PLPP4: variants seen among roughly 807,000 people sequenced by gnomAD.
PLPP4 encodes diacylglycerol pyrophosphate like 2.
A neutral mutation model predicts 32.2 loss-of-function variants in PLPP4; 20 were observed. That is an observed-to-expected ratio of 0.62 (90% CI 0.44 to 0.90). The LOEUF (loss-of-function observed/expected upper bound fraction) is 0.90, where lower values mean the gene tolerates loss of function less well. Among genes scored for constraint, PLPP4 ranks in the 40% least tolerant of loss-of-function variants. The pLI is 0.00. For synonymous variants in PLPP4, 127 were observed against 133.0 expected (o/e 0.95, Z 0.31); for missense variants, 257 against 353.1 (o/e 0.73, Z 2.18).
intron 1 of PLPP4, among the ~76,000 whole-genome samples, chr10:120,475,115 T>C (rs1018279421): frequency 1.3e-5 from 2 of 152,178 alleles, no homozygotes; most frequent in African/African-American, 2.4e-5. Flanking sequence ...ACAAAGGGGA[T>C]TGACAATTCC....
At chr10:120,461,361 T>C (rs1421100274) in intron 1 of PLPP4, among the ~76,000 whole-genome samples, 1 of 152,198 alleles carries the variant, frequency 6.6e-6, no homozygotes, top group African/African-American at 2.4e-5. Flanking sequence ...GAAAGGACCC[T>C]AGAAAGATGA....
chr10:120,498,010 A>C (rs992163211), intron 1 of PLPP4, among the ~76,000 whole-genome samples: 1 of 152,146 alleles, frequency 6.6e-6, no homozygotes, highest in African/African-American at 2.4e-5. Context: ...ACTGCACTCC[A>C]GCCTGGGTGA....
intron 5 of PLPP4, among the ~76,000 whole-genome samples, chr10:120,565,690 A>C (rs1848662961): frequency 6.6e-6 from 1 of 152,068 alleles, no homozygotes; most frequent in Non-Finnish European, 1.5e-5. Context: ...ATTGGGCTTT[A>C]TAAATCTCAA....
chr10:120,581,759 G>A (rs147332906), intron 6 of PLPP4, among the ~76,000 whole-genome samples: 55 of 151,890 alleles, frequency 3.6e-4, no homozygotes, highest in African/African-American at 1.2e-3. Context: ...TCTCCGTCTC[G>A]TGATGCCCAC....
At chr10:120,479,140 G>A (rs1425176332) in intron 1 of PLPP4, among the ~76,000 whole-genome samples, 1 of 152,058 alleles carries the variant, frequency 6.6e-6, no homozygotes, top group Non-Finnish European at 1.5e-5. Flanking sequence ...GCAGGAGAAT[G>A]GCGTGAACCC....
intron 2 of PLPP4, among the ~76,000 whole-genome samples, chr10:120,505,742 A>T (rs1336857076): frequency 6.6e-6 from 1 of 152,230 alleles, no homozygotes; most frequent in Non-Finnish European, 1.5e-5. Context: ...GTAGGGAATT[A>T]CTAACACATG....
At chr10:120,482,301 T>C (rs182682672) in intron 1 of PLPP4, among the ~76,000 whole-genome samples, 22 of 152,300 alleles carry the variant, frequency 1.4e-4, no homozygotes, top group Admixed American at 1.1e-3. Flanking sequence ...ACCAAAATGC[T>C]GATAATGATA....
At chr10:120,508,188 G>A (rs1293590426) in intron 2 of PLPP4, among the ~76,000 whole-genome samples, 1 of 152,126 alleles carries the variant, frequency 6.6e-6, no homozygotes, top group Admixed American at 6.5e-5. Flanking sequence ...TTTTGGGGAG[G>A]AAGAAGGAAG....
At chr10:120,559,111 C>T (rs1241093030) in intron 5 of PLPP4, among the ~76,000 whole-genome samples, 1 of 152,166 alleles carries the variant, frequency 6.6e-6, no homozygotes, top group Admixed American at 6.5e-5. Context: ...TGAGCTAGAT[C>T]ATTCATTAGT....
intron 1 of PLPP4, among the ~76,000 whole-genome samples, chr10:120,489,854 TG>T (rs1322875567): frequency 1.3e-5 from 2 of 152,208 alleles, no homozygotes; most frequent in Admixed American, 1.3e-4. Flanking sequence ...GGCAGAGGCT[TG>T]GGTCTTCATT....
chr10:120,493,396 A>C (rs1844806400), intron 1 of PLPP4, among the ~76,000 whole-genome samples: 1 of 152,092 alleles, frequency 6.6e-6, no homozygotes, highest in African/African-American at 2.4e-5. Flanking sequence ...CCTTGTGTTG[A>C]GGGCACAGGA....
intron 4 of PLPP4, among the ~76,000 whole-genome samples, chr10:120,519,147 G>A (rs1213997211): frequency 6.6e-6 from 1 of 152,114 alleles, no homozygotes; most frequent in African/African-American, 2.4e-5. Context: ...CTTACTGCTG[G>A]CATTTTCAGA....
At chr10:120,528,037 G>A (rs937752824) in intron 5 of PLPP4, among the ~76,000 whole-genome samples, 1 of 149,070 alleles carries the variant, frequency 6.7e-6, no homozygotes, top group Non-Finnish European at 1.5e-5. Flanking sequence ...GGTTTTGCTG[G>A]TAGATGGGAA....
At chr10:120,487,275 G>A (rs1423907301) in intron 1 of PLPP4, among the ~76,000 whole-genome samples, 2 of 152,192 alleles carry the variant, frequency 1.3e-5, no homozygotes, top group Admixed American at 6.5e-5. Flanking sequence ...GTGAGAACAG[G>A]GAGTTTTATT....
At chr10:120,581,175 A>T (rs1302464310) in intron 6 of PLPP4, 1 of 985,258 alleles carries the variant, frequency 1.0e-6, no homozygotes, top group Non-Finnish European at 1.2e-6. Flanking sequence ...CCCGTGATGT[A>T]ATTCCCAGGG....
intron 5 of PLPP4, among the ~76,000 whole-genome samples, chr10:120,549,361 A>C (rs1847781816): frequency 6.6e-6 from 1 of 151,300 alleles, no homozygotes. Context: ...TCTAATTTTT[A>C]ATTTAAAACC....
chr10:120,585,882 G>A (rs181756165), intron 6 of PLPP4, among the ~76,000 whole-genome samples: 5 of 152,144 alleles, frequency 3.3e-5, no homozygotes, highest in Admixed American at 2.6e-4. Flanking sequence ...CAATCCCCCC[G>A]CTACCCTGAT....
chr10:120,577,053 A>G (rs1470114386), intron 6 of PLPP4, among the ~76,000 whole-genome samples: 2 of 152,234 alleles, frequency 1.3e-5, no homozygotes, highest in African/African-American at 4.8e-5. Context: ...GATTGAATGA[A>G]ATAATGGATC....
At chr10:120,491,942 G>A (rs1241031438) in intron 1 of PLPP4, among the ~76,000 whole-genome samples, 2 of 152,116 alleles carry the variant, frequency 1.3e-5, no homozygotes, top group Admixed American at 1.3e-4. Flanking sequence ...TTTGAATCAG[G>A]ATCCAAATAA....
Sources: gnomAD v4.1 joint callset for allele counts (sites outside exome capture counted in the v4.1 genomes callset) on GRCh38, gnomAD v4.1.1 for gene constraint, MANE v1.5 for transcripts, NCBI Gene and HGNC (gene_info 2026-07-23, HGNC 2026-07-21) for gene names.